The following PARD3B variants were observed in gnomAD, a reference collection of about 807,000 sequenced individuals.
PARD3B encodes par-3 family cell polarity regulator beta, also known as partitioning defective 3 homolog B.
In PARD3B, 103 loss-of-function variants were observed where a neutral mutation model predicts 130.2. The observed-to-expected ratio is 0.79, with a 90% confidence interval of 0.67 to 0.93. PARD3B has a LOEUF of 0.93. PARD3B is among the 40% of genes least tolerant of loss of function. The pLI, the probability that PARD3B is intolerant of heterozygous loss-of-function variation, is 0.00. For missense variants in PARD3B, 1,609 were observed against 1,499.2 expected (o/e 1.07, Z -1.21); for synonymous variants, 583 against 553.2 (o/e 1.05, Z -0.76).
At chr2:204,903,935 G>T (rs1197720832) in intron 2 of PARD3B, among the ~76,000 whole-genome samples, 1 of 152,086 alleles carries the variant, frequency 6.6e-6, no homozygotes, top group Non-Finnish European at 1.5e-5. Flanking sequence ...TTATCTGTCG[G>T]TCTACTATTT....
intron 15 of PARD3B, among the ~76,000 whole-genome samples, chr2:205,202,868 G>T (rs1439827775): frequency 1.3e-5 from 2 of 152,080 alleles, no homozygotes; most frequent in South Asian, 2.1e-4. Flanking sequence ...ATTAGTAGTG[G>T]ACTTGAACAG....
rs1407816371 is a variant in PARD3B, at chr2:205,125,735, T to G, written c.1432T>G (p.Leu478Val). The G allele has an allele frequency of 6.2e-7, 1 of 1,613,464 alleles. No individual in the cohort carries two copies. The highest frequency in any genetic ancestry group is 2.2e-5 in the East Asian group (1 of 44,828). The change falls in exon 10 of 23, where the codon TTG becomes GTG. Residue 478 changes from leucine to valine, a missense_variant and splice_region_variant. Transcript: ENST00000406610. The surrounding 1 kb of genome is among the most constrained non-coding windows in gnomAD (Gnocchi z 4.0). ...AGAAGGACATTTTCTGCCCCGAGAGTTGGTAATGTTCAGATCTCAGTCTCA... is the reference window on the plus strand; with the variant it reads ...AGAAGGACATTTTCTGCCCCGAGAGGTGGTAATGTTCAGATCTCAGTCTCA... Reference protein sequence around the residue: ...RQEGHFLPRELKGEPDCCALS... With the variant: ...RQEGHFLPREVKGEPDCCALS...
Position 204,678,623 on chromosome 2 carries a change from T to TTAGTCTCTGATGCGCAGTTGCTTC in PARD3B, c.121-7532_121-7509dup, listed in dbSNP as rs941454733. On this transcript the variant is annotated intron_variant, in intron 1 of 22. Transcript: ENST00000406610. This position sits in a 1 kb window ranked among gnomAD's most constrained non-coding sequence, Gnocchi z 4.2. ...GTCTGACATTAAGCCGCGTCTAGCC[T>TTAGTCTCTGATGCGCAGTTGCTTC]TAGTCTCTGATGCGCAGTTGCTTCT... is the stretch of plus-strand genomic sequence containing the variant. 1.1e-4 allele frequency among the ~76,000 whole-genome samples: 17 copies of TTAGTCTCTGATGCGCAGTTGCTTC among 152,128 alleles called. No homozygotes were observed. The highest frequency in any genetic ancestry group is 2.1e-4 in the South Asian group (1 of 4,798).
At chr2:205,503,223 A>C (rs1476393986) in intron 21 of PARD3B, among the ~76,000 whole-genome samples, 2 of 152,148 alleles carry the variant, frequency 1.3e-5, no homozygotes, top group Non-Finnish European at 2.9e-5. Flanking sequence ...AGCCCAAACA[A>C]AATGGAACAA....
intron 2 of PARD3B, among the ~76,000 whole-genome samples, chr2:204,866,690 T>TACAC (rs2045431434): frequency 6.6e-6 from 1 of 152,050 alleles, no homozygotes; most frequent in African/African-American, 2.4e-5. Flanking sequence ...TATATATGTG[T>TACAC]ATATATATGT....
At chr2:205,369,559 A>G (rs1262593770) in intron 18 of PARD3B, among the ~76,000 whole-genome samples, 1 of 152,188 alleles carries the variant, frequency 6.6e-6, no homozygotes, top group Non-Finnish European at 1.5e-5. Context: ...TCCACTTGTA[A>G]ATTCTGCTTC....
intron 18 of PARD3B, among the ~76,000 whole-genome samples, chr2:205,363,917 T>A (rs2044497319): frequency 7.5e-6 from 1 of 133,524 alleles, no homozygotes; most frequent in Non-Finnish European, 1.5e-5. Flanking sequence ...TCCACCCGCC[T>A]CGGCCTCCCA....
chr2:204,978,581 G>T (rs552353329), intron 3 of PARD3B, among the ~76,000 whole-genome samples: 29 of 152,140 alleles, frequency 1.9e-4, no homozygotes, highest in African/African-American at 7.0e-4. Context: ...CAACTTTATT[G>T]CTCAGTAAAG....
chr2:205,030,993 C>A (rs1697377870), intron 3 of PARD3B, among the ~76,000 whole-genome samples: 1 of 152,124 alleles, frequency 6.6e-6, no homozygotes, highest in East Asian at 1.9e-4. Flanking sequence ...TCTTTGAAGA[C>A]CATTTAAAAG....
chr2:204,814,580 G>A (rs1320016266), intron 2 of PARD3B, among the ~76,000 whole-genome samples: 1 of 151,492 alleles, frequency 6.6e-6, no homozygotes, highest in Non-Finnish European at 1.5e-5. Context: ...TATTTCATTG[G>A]CTAGGATGTC....
At chr2:204,588,055 G>A (rs1398324536) in intron 1 of PARD3B, among the ~76,000 whole-genome samples, 2 of 152,054 alleles carry the variant, frequency 1.3e-5, no homozygotes, top group Admixed American at 1.3e-4. Context: ...TCCCCCTTTT[G>A]TAATACCGTG....
intron 16 of PARD3B, among the ~76,000 whole-genome samples, chr2:205,278,904 T>C (rs1249861434): frequency 6.6e-6 from 1 of 151,488 alleles, no homozygotes; most frequent in Non-Finnish European, 1.5e-5. Flanking sequence ...ACCCTGTCTC[T>C]ACAAAAAAAT....
chr2:205,002,888 G>A (rs866249222), intron 3 of PARD3B, among the ~76,000 whole-genome samples: 5 of 152,110 alleles, frequency 3.3e-5, no homozygotes, highest in Non-Finnish European at 5.9e-5. Context: ...GAGTCTCGCC[G>A]GGGTAATGCA....
chr2:204,960,082 CTT>C (rs1315077968), intron 2 of PARD3B, among the ~76,000 whole-genome samples: 1 of 152,184 alleles, frequency 6.6e-6, no homozygotes, highest in Non-Finnish European at 1.5e-5. Flanking sequence ...ATTTTCACGA[CTT>C]TGAAAATAAA....
chr2:205,036,980 A>AT (rs1413377749), intron 3 of PARD3B, among the ~76,000 whole-genome samples: 1 of 119,092 alleles, frequency 8.4e-6, no homozygotes, highest in Non-Finnish European at 1.9e-5. Flanking sequence ...CTGTATATAT[A>AT]AAAAACATAT....
At chr2:205,066,791 C>T (rs539612594) in intron 4 of PARD3B, among the ~76,000 whole-genome samples, 2 of 152,014 alleles carry the variant, frequency 1.3e-5, no homozygotes, top group East Asian at 3.9e-4. Context: ...ATCTAAATAA[C>T]TGATGACTTA....
chr2:204,645,609 G>GC (rs2035244561), intron 1 of PARD3B, among the ~76,000 whole-genome samples: 1 of 152,068 alleles, frequency 6.6e-6, no homozygotes, highest in Non-Finnish European at 1.5e-5. Flanking sequence ...TAGCTGTCAA[G>GC]TTGTGGTGTC....
intron 15 of PARD3B, among the ~76,000 whole-genome samples, chr2:205,227,615 C>T (rs1241964292): frequency 1.3e-5 from 2 of 151,020 alleles, no homozygotes; most frequent in Non-Finnish European, 3.0e-5. Flanking sequence ...ATTATTGCAT[C>T]TTTTTTTTTA....
chr2:204,897,510 A>G (rs1417832282), intron 2 of PARD3B, among the ~76,000 whole-genome samples: 2 of 150,568 alleles, frequency 1.3e-5, no homozygotes, highest in Non-Finnish European at 2.9e-5. Flanking sequence ...TCATTTGGAG[A>G]TAATTGTAGA....
Sources: gnomAD v4.1 joint callset for allele counts (sites outside exome capture counted in the v4.1 genomes callset) on GRCh38, gnomAD v4.1.1 for gene constraint, Gnocchi (gnomAD v3.1) non-coding constraint, MANE v1.5 for transcripts, NCBI Gene and HGNC (gene_info 2026-07-23, HGNC 2026-07-21) for gene names.